Variants in DNAH6 observed in about 807,000 individuals in gnomAD.
DNAH6 encodes the protein axonemal beta dynein heavy chain 6.
In DNAH6, 340 loss-of-function variants were observed where a neutral mutation model predicts 491.4. The ratio of observed to expected loss-of-function variants is 0.69; its 90% confidence interval spans 0.63 to 0.76. The LOEUF is 0.76. DNAH6 is among the 30% of genes least tolerant of loss of function. The pLI, the probability that DNAH6 is intolerant of heterozygous loss-of-function variation, is 0.00. For synonymous variants in DNAH6, 1,603 were observed against 1,686.1 expected (o/e 0.95, Z 1.21); for missense variants, 4,443 against 4,972.2 (o/e 0.89, Z 3.20).
At chr2:84,666,357 C>T (rs1192478580) in intron 37 of DNAH6, among the ~76,000 whole-genome samples, 17 of 152,152 alleles carry the variant, frequency 1.1e-4, no homozygotes, top group African/African-American at 2.9e-4. Flanking sequence ...AAAATCCCAT[C>T]GTCTCAGCCC....
intron 70 of DNAH6, among the ~76,000 whole-genome samples, chr2:84,803,489 CA>C (rs372438572): frequency 9.2e-4 from 139 of 151,904 alleles, no homozygotes; most frequent in African/African-American, 3.2e-3. Flanking sequence ...CAAATCAAAA[CA>C]TTTTTGAAAC....
At chr2:84,515,863 A>G (rs1018128077), upstream of DNAH6, among the ~76,000 whole-genome samples, 2 of 152,202 alleles carry the variant, frequency 1.3e-5, no homozygotes, top group African/African-American at 4.8e-5. Context: ...CTTTGGTAGA[A>G]GGGGCACGGG....
the DNAH6 span, among the ~76,000 whole-genome samples, chr2:84,508,893 A>G: frequency 6.6e-6 from 1 of 152,132 alleles, no homozygotes. Context: ...TGGGTTTCTT[A>G]ATCCTGAGTT....
At chr2:84,472,783 AGTAT>A in the DNAH6 span, among the ~76,000 whole-genome samples, 1 of 152,224 alleles carries the variant, frequency 6.6e-6, no homozygotes. Context: ...CAAGGAGGTT[AGTAT>A]GTGCTCTCAT....
chr2:84,515,719 G>A (rs1011067291), upstream of DNAH6, among the ~76,000 whole-genome samples: 1 of 152,204 alleles, frequency 6.6e-6, no homozygotes. Flanking sequence ...TTCTTCCCCT[G>A]ATCAGTAACT....
chr2:84,465,466 G>T, the DNAH6 span, among the ~76,000 whole-genome samples: 1 of 152,054 alleles, frequency 6.6e-6, no homozygotes, highest in African/African-American at 2.4e-5. Context: ...CTGCACTCCA[G>T]CCTGGGCGAC....
intron 15 of DNAH6, among the ~76,000 whole-genome samples, chr2:84,587,181 T>C (rs930621594): frequency 2.6e-5 from 4 of 151,864 alleles, no homozygotes; most frequent in African/African-American, 9.7e-5. Context: ...CATTTAGCTT[T>C]CACTTATAAG....
intron 22 of DNAH6, 50 bp downstream of exon 22, chr2:84,611,904 T>A: frequency 6.8e-7 from 1 of 1,472,330 alleles, no homozygotes; most frequent in Non-Finnish European, 9.1e-7. Flanking sequence ...CTTTTAGTAG[T>A]CTGGGACTTT....
At chr2:84,721,754 A>G (rs1250008134) in intron 59 of DNAH6, among the ~76,000 whole-genome samples, 2 of 152,314 alleles carry the variant, frequency 1.3e-5, no homozygotes, top group African/African-American at 2.4e-5. Context: ...GCACTGGTCT[A>G]TACAGGAACT....
At chr2:84,601,967 T>A (rs1685286236) in intron 18 of DNAH6, among the ~76,000 whole-genome samples, 1 of 152,016 alleles carries the variant, frequency 6.6e-6, no homozygotes, top group Admixed American at 6.6e-5. Flanking sequence ...ATCAATTATT[T>A]TACTATTTCA....
intron 62 of DNAH6, among the ~76,000 whole-genome samples, chr2:84,742,548 A>G (rs1168323409): frequency 6.6e-6 from 1 of 152,208 alleles, no homozygotes; most frequent in East Asian, 1.9e-4. Flanking sequence ...TCCACAACAA[A>G]TAACTACAGC....
At chr2:84,710,147 G>A in intron 55 of DNAH6, 140 bp from the exon 56 acceptor site, 6 of 1,077,242 alleles carry the variant, frequency 5.6e-6, no homozygotes, top group Non-Finnish European at 7.7e-6. Context: ...TTATTGTCGG[G>A]GGACAGGGGA....
intron 64 of DNAH6, among the ~76,000 whole-genome samples, chr2:84,775,835 A>G (rs1286882439): frequency 2.0e-5 from 3 of 151,860 alleles, no homozygotes; most frequent in Non-Finnish European, 4.4e-5. Context: ...GATCTTTTGT[A>G]TTTCTGTAGC....
chr2:84,808,275 A>G, intron 71 of DNAH6, 140 bp from the exon 72 acceptor site: 3 of 919,794 alleles, frequency 3.3e-6, no homozygotes, highest in Non-Finnish European at 4.7e-6. Flanking sequence ...TAGAAACATC[A>G]CATTTAAATC....
At position 84,525,622 on chromosome 2, in the gene DNAH6, C is replaced by T. The variant is rs1297344347; in HGVS notation, c.283C>T (p.Arg95Ter). ...KQPEYIHEQNRFQLMTAGIIK... is the reference protein window; with the variant it reads ...KQPEYIHEQN ...GCCAGAATACATACATGAACAGAAC[C>T]GATTTCAGTTAATGACTGCAGGAAT... The change falls in exon 3 of 77, where the codon CGA (arginine) becomes TGA (stop). Residue 95 changes from arginine to a stop codon, truncating the protein, a stop_gained. Transcript: ENST00000389394. LOFTEE classifies it high-confidence loss of function. 4 of 1,550,144 alleles carry T rather than the reference C, an allele frequency of 2.6e-6. No individual in the cohort carries two copies. Among genetic ancestry groups the T allele is most frequent in the South Asian group, 1.2e-5 (1 of 83,904 alleles).
At chr2:84,722,176 G>A (rs1263258862) in intron 59 of DNAH6, among the ~76,000 whole-genome samples, 6 of 152,170 alleles carry the variant, frequency 3.9e-5, no homozygotes, top group Admixed American at 6.5e-5. Flanking sequence ...TCCAGGGAGG[G>A]ATGTGGTGCC....
At chr2:84,616,244 G>A (rs554419424) in intron 22 of DNAH6, among the ~76,000 whole-genome samples, 10 of 151,898 alleles carry the variant, frequency 6.6e-5, no homozygotes, top group East Asian at 1.9e-4. Flanking sequence ...GTTGACTTTC[G>A]GCCTTGATGA....
chr2:84,781,522 A>AAGG lies in DNAH6; in HGVS notation c.10735_10737dup (p.Gly3579dup). On this transcript the variant is annotated inframe_insertion, in exon 65 of 77. Coordinates refer to ENST00000389394, the MANE Select transcript of DNAH6 (RefSeq NM_001370.2). Reference sequence around the variant, plus strand: ...CAGTCAATTTCACTGGGGCAAGGACAAGGACCTATTGCTGAAAAAATGGTC... The same window carrying AAGG: ...CAGTCAATTTCACTGGGGCAAGGACAAGGAGGACCTATTGCTGAAAAAATGGTC... 6.4e-7 allele frequency: 1 copy of AAGG among 1,551,534 alleles called. No homozygotes were observed. Among genetic ancestry groups the AAGG allele is most frequent in the Admixed American group, 2.0e-5 (1 of 51,008 alleles).
intron 14 of DNAH6, among the ~76,000 whole-genome samples, chr2:84,580,748 C>T (rs554044226): frequency 0.025 from 1,128 of 44,994 alleles, 5 homozygotes; most frequent in Non-Finnish European, 0.074. Context: ...TTCATTAAGC[C>T]ACTTCAAACA....
Sources: gnomAD v4.1 joint callset for allele counts (sites outside exome capture counted in the v4.1 genomes callset) on GRCh38, gnomAD v4.1.1 for gene constraint, MANE v1.5 for transcripts, NCBI Gene and HGNC (gene_info 2026-07-23, HGNC 2026-07-21) for gene names.